The following USP3 variants were observed in gnomAD, a reference collection of about 807,000 sequenced individuals.
USP3 encodes the protein ubiquitin carboxyl-terminal hydrolase 3.
USP3 carries 20 observed loss-of-function variants against 72.3 expected under a neutral mutation model. The observed-to-expected ratio is 0.28, with a 90% CI of 0.19 to 0.40. The LOEUF (loss-of-function observed/expected upper bound fraction) is 0.40, where lower values mean the gene tolerates loss of function less well. Among genes scored for constraint, USP3 ranks in the 10% least tolerant of loss-of-function variants. The pLI, the probability that USP3 is intolerant of heterozygous loss-of-function variation, is 1.00. For missense variants in USP3, 479 were observed against 633.9 expected (o/e 0.76, Z 2.62); for synonymous variants, 222 against 225.3 (o/e 0.99, Z 0.13).
intron 7 of USP3, among the ~76,000 whole-genome samples, chr15:63,561,827 A>G (rs553168294): frequency 6.6e-6 from 1 of 152,366 alleles, no homozygotes; most frequent in East Asian, 1.9e-4. Flanking sequence ...GAGGGTTGAG[A>G]AAGAAGATAT....
At position 63,528,996 on chromosome 15, in the gene USP3, T is replaced by C. The variant is rs1003354320; in HGVS notation, c.92-3651T>C. 7.8e-7 allele frequency: 1 copy of C among 1,288,440 alleles called. No individual in the cohort carries two copies. Among genetic ancestry groups the C allele is most frequent in the Non-Finnish European group, 1.0e-6 (1 of 988,240 alleles). 79.8% of individuals were successfully genotyped at this position (1,288,440 alleles called of 1,614,324 possible). A position where few individuals can be genotyped will look rare whatever the true frequency, so the allele number is the denominator to read the frequency against. ...CTTCAGAATCCCTCATAATACCCTA[T>C]CCTCTGTATCTTTCTAGCCTTCAAA... On this transcript the variant is annotated intron_variant, in intron 1 of 14. Transcript: ENST00000380324. The surrounding 1 kb of genome is among the most constrained non-coding windows in gnomAD (Gnocchi z 4.3).
At chr15:63,545,970 CAAAAAAAA>C (rs60122671) in intron 3 of USP3, among the ~76,000 whole-genome samples, 10,955 of 68,884 alleles carry the variant, frequency 0.16, 511 homozygotes, top group African/African-American at 0.25. Context: ...GACCTTGTCT[CAAAAAAAA>C]AAAAAAAAAA....
rs560996198 is a variant in USP3, at chr15:63,591,456, C to G, written c.*630C>G. 2.6e-5 allele frequency: 4 copies of G among 152,168 alleles called. No individual in the cohort carries two copies. The highest frequency in any genetic ancestry group is 2.6e-4 in the Admixed American group (4 of 15,276). 9.4% of individuals were successfully genotyped at this position (152,168 alleles called of 1,614,324 possible). A position where few individuals can be genotyped will look rare whatever the true frequency, so the allele number is the denominator to read the frequency against. ...TGTTGGTTCAGTTGTACTTGTCCTG[C>G]AAATACAAGAATTACTCTCTTTGTT... On this transcript the variant is annotated 3_prime_UTR_variant, in exon 15 of 15. Transcript: ENST00000380324.
At chr15:63,519,342 T>C (rs545159838) in intron 1 of USP3, among the ~76,000 whole-genome samples, 1 of 152,192 alleles carries the variant, frequency 6.6e-6, no homozygotes, top group African/African-American at 2.4e-5. Flanking sequence ...GCTTTTTTTT[T>C]TTCTATTCTA....
chr15:63,541,612 C>G (rs1358030179), intron 3 of USP3, among the ~76,000 whole-genome samples: 1 of 152,094 alleles, frequency 6.6e-6, no homozygotes, highest in African/African-American at 2.4e-5. Flanking sequence ...AGGTATTCTT[C>G]TAATTTTCCA....
intron 3 of USP3, among the ~76,000 whole-genome samples, chr15:63,551,070 G>A (rs1359756912): frequency 6.6e-6 from 1 of 152,080 alleles, no homozygotes; most frequent in African/African-American, 2.4e-5. Context: ...AAAATCTTCA[G>A]GAATGTTTTT....
chr15:63,572,375 GGTTTT>G (rs1324573098), intron 9 of USP3, among the ~76,000 whole-genome samples: 1 of 151,598 alleles, frequency 6.6e-6, no homozygotes, highest in Non-Finnish European at 1.5e-5. Context: ...TTTTCAGCAG[GGTTTT>G]GTTTTTTTTT....
At chr15:63,563,062 C>A in intron 8 of USP3, 54 bp downstream of exon 8, 1 of 1,225,650 alleles carries the variant, frequency 8.2e-7, no homozygotes, top group African/African-American at 1.6e-5. Flanking sequence ...TTATACTGTT[C>A]CTGAAATAAT....
chr15:63,588,039 T>C lies in USP3; in HGVS notation c.1097-266T>C. On this transcript the variant is annotated intron_variant, in intron 11 of 14. Transcript: ENST00000380324. The surrounding 1 kb of genome is among the most constrained non-coding windows in gnomAD (Gnocchi z 4.6). ...ATTTTATCAGAATTATCCAGATGAA[T>C]TATCATTAATAGTAAAACCAACACA... is the stretch of plus-strand genomic sequence containing the variant. 2 of 278,024 alleles carry C rather than the reference T, an allele frequency of 7.2e-6. No homozygotes were observed. The highest frequency in any genetic ancestry group is 1.3e-5 in the Non-Finnish European group (2 of 149,390). 17.2% of individuals were successfully genotyped at this position (278,024 alleles called of 1,614,324 possible).
chr15:63,567,491 C>T lies in USP3; in HGVS notation c.762-2942C>T, dbSNP rs182983094. ...CCTCCCGAGTAGCTGGGACTACAGG[C>T]GCCTGCAACCACGCCCGGCTAATTT... On this transcript the variant is annotated intron_variant, in intron 8 of 14. Transcript: ENST00000380324. 6.1e-4 allele frequency among the ~76,000 whole-genome samples: 93 copies of T among 152,152 alleles called. No individual in the cohort carries two copies. In the East Asian group the frequency reaches 0.012, roughly 19 times the overall value.
At chr15:63,535,406 T>C (rs2066140981) in intron 2 of USP3, among the ~76,000 whole-genome samples, 1 of 152,248 alleles carries the variant, frequency 6.6e-6, no homozygotes, top group Non-Finnish European at 1.5e-5. Context: ...TTATGAACTA[T>C]GGATTATGTA....
intron 3 of USP3, among the ~76,000 whole-genome samples, chr15:63,542,461 A>G (rs573620080): frequency 6.6e-6 from 1 of 152,062 alleles, no homozygotes; most frequent in Non-Finnish European, 1.5e-5. Flanking sequence ...ATTTTACTAA[A>G]TAAAATACTG....
At chr15:63,521,143 C>A (rs1478691224) in intron 1 of USP3, among the ~76,000 whole-genome samples, 1 of 137,458 alleles carries the variant, frequency 7.3e-6, no homozygotes, top group Non-Finnish European at 1.5e-5. Flanking sequence ...TTCTTTTGGA[C>A]TTTTTTTTTT....
chr15:63,532,632 T>G lies in USP3; in HGVS notation c.92-15T>G. On this transcript the variant is annotated splice_polypyrimidine_tract_variant and intron_variant, in intron 1 of 14. Coordinates refer to ENST00000380324, the MANE Select transcript of USP3 (RefSeq NM_006537.4). ...ATGATGCAATTGGTATATTGTGTAT[T>G]TTTCTTTTTATTAGTGTGCCGGTCC... is the stretch of plus-strand genomic sequence containing the variant. The G allele has an allele frequency of 3.1e-6, 5 of 1,613,938 alleles. No individual in the cohort carries two copies. Among genetic ancestry groups the G allele is most frequent in the Non-Finnish European group, 3.4e-6 (4 of 1,179,866 alleles).
intron 4 of USP3, chr15:63,556,403 G>A (rs1377763124): frequency 3.2e-6 from 1 of 317,024 alleles, no homozygotes; most frequent in Non-Finnish European, 5.8e-6. Flanking sequence ...TGGTGGTGGG[G>A]AGTGTCCCAC....
chr15:63,554,459 C>T (rs2066479609), intron 4 of USP3, among the ~76,000 whole-genome samples: 1 of 152,172 alleles, frequency 6.6e-6, no homozygotes. Flanking sequence ...CCCAGCTAGC[C>T]ATGCCTTTGA....
At chr15:63,551,980 G>T (rs745681436) in intron 3 of USP3, 1 of 152,148 alleles carries the variant, frequency 6.6e-6, no homozygotes, top group African/African-American at 2.4e-5. Flanking sequence ...ACCTTAATAA[G>T]AAATAAATCA....
chr15:63,507,947 A>G (rs1404131770), intron 1 of USP3, among the ~76,000 whole-genome samples: 1 of 152,226 alleles, frequency 6.6e-6, no homozygotes, highest in African/African-American at 2.4e-5. Context: ...TGTTTTTCAA[A>G]ACAAAAATTT....
intron 11 of USP3, among the ~76,000 whole-genome samples, chr15:63,582,157 C>T (rs576120947): frequency 6.6e-6 from 1 of 151,868 alleles, no homozygotes; most frequent in South Asian, 2.1e-4. Context: ...TTTTTAGGGC[C>T]GGGTATGGTG....
Sources: allele counts gnomAD v4.1 joint callset (sites outside exome capture counted in the v4.1 genomes callset), GRCh38; gene constraint gnomAD v4.1.1; non-coding constraint Gnocchi (gnomAD v3.1); transcripts MANE v1.5; gene names NCBI Gene and HGNC (gene_info 2026-07-23, HGNC 2026-07-21).